The following MEX3C variants were observed in gnomAD, a reference collection of about 807,000 sequenced individuals.
MEX3C encodes the protein RNA-binding E3 ubiquitin-protein ligase MEX3C.
MEX3C carries 15 observed loss-of-function variants against 35.5 expected under a neutral mutation model. The ratio of observed to expected loss-of-function variants is 0.42; its 90% CI spans 0.28 to 0.65. The LOEUF is 0.65. MEX3C is among the 30% of genes least tolerant of loss of function. The pLI is 0.20. For missense variants in MEX3C, 711 were observed against 842.8 expected, an observed-to-expected ratio of 0.84 and a Z score of 1.94; for synonymous variants, 390 against 352.8, an observed-to-expected ratio of 1.11 and a Z score of -1.18.
chr18:51,196,964 C>G lies in MEX3C; in HGVS notation c.357G>C (p.Glu119Asp), dbSNP rs780574845. The part of the protein sequence containing the change: ...EEDEEEGEEA[E>D]LDGDLLEEEE... ...CCTCCTCCAGCAGGTCTCCGTCCAG[C>G]TCCGCTTCCTCCCCCTCCTCCTCGT... Residue 119 changes from glutamate (E) to aspartate (D), a missense_variant, in exon 1 of 2, where the codon GAG becomes GAC. Glu to Asp is a conservative substitution (Grantham distance 45). Around this residue, in one of 4 missense-constraint regions of MEX3C, gnomAD observed 354 missense variants for 311.6 expected, o/e 1.14. Coordinates refer to ENST00000406189, the MANE Select transcript of MEX3C (RefSeq NM_016626.5). 3 of 1,542,054 alleles carry G rather than the reference C, an allele frequency of 1.9e-6. No individual in the cohort carries two copies. Among genetic ancestry groups the G allele is most frequent in the Non-Finnish European group, 2.6e-6 (3 of 1,145,426 alleles).
In MEX3C at chr18:51,196,640, T is replaced by C. The variant is rs772479306; in HGVS notation, c.681A>G (p.Arg227=). 6.3e-7 allele frequency: 1 copy of C among 1,582,648 alleles called. No homozygotes were observed. The highest frequency in any genetic ancestry group is 1.7e-4 in the Middle Eastern group (1 of 5,974). Residue 227 remains arginine (R), a synonymous_variant, in exon 1 of 2, where the codon AGA becomes AGG. Transcript: ENST00000406189. ...CGCACTCGGTGGTGTTGACGCTCTTTCTCCGGAGCAGGGCCGCCTGCTCCC... is the reference window on the plus strand; with the variant it reads ...CGCACTCGGTGGTGTTGACGCTCTTCCTCCGGAGCAGGGCCGCCTGCTCCC... ...LNGEQAALLR[R]KSVNTTECVP... is the part of the protein sequence containing the mutation.
chr18:51,195,921 A>G (rs1599259051), intron 1 of MEX3C: 1 of 153,008 alleles, frequency 6.5e-6, no homozygotes, highest in African/African-American at 2.4e-5. Flanking sequence ...GTTTTAAAAG[A>G]CAGCCAGTGT....
At chr18:51,191,685 C>CTTA (rs1237932636) in intron 1 of MEX3C, among the ~76,000 whole-genome samples, 6 of 152,154 alleles carry the variant, frequency 3.9e-5, no homozygotes, top group Admixed American at 1.3e-4. Context: ...AAGTAATGTG[C>CTTA]TTAGCACTTA....
At position 51,196,900 on chromosome 18, in the gene MEX3C, G is replaced by T; in HGVS notation, c.421C>A (p.Leu141Met). 6.5e-7 allele frequency: 1 copy of T among 1,542,188 alleles called. No individual in the cohort carries two copies. Reference sequence around the variant, plus strand: ...GCCGCGGGCGGCGACAGCAGCAGCAGCGACGACCGGTCCTCCTCCTCTGCT... The same window carrying T: ...GCCGCGGGCGGCGACAGCAGCAGCATCGACGACCGGTCCTCCTCCTCTGCT... The part of the protein sequence containing the change: ...EEAEEEDRSS[L>M]LLLSPPAATA... The change falls in exon 1 of 2, where the codon CTG becomes ATG. Residue 141 changes from leucine (L) to methionine (M), a missense_variant. Transcript: ENST00000406189.
Position 51,174,983 on chromosome 18 carries a change from C to T in MEX3C, c.*1368G>A, listed in dbSNP as rs1047564372. The T allele has an allele frequency of 2.6e-5, 4 of 152,532 alleles. No individual in the cohort carries two copies. Among genetic ancestry groups the T allele is most frequent in the Non-Finnish European group, 5.9e-5 (4 of 68,028 alleles). 9.4% of individuals were successfully genotyped at this position (152,532 alleles called of 1,614,324 possible). On this transcript the variant is annotated 3_prime_UTR_variant, in exon 2 of 2. Transcript: ENST00000406189. ...TACTGACCATTTACTATCCTACAAG[C>T]AATTAGCATTACATCATAATATGCC...
At position 51,184,867 on chromosome 18, in the gene MEX3C, GAA is replaced by G. The variant is rs58366081; in HGVS notation, c.755-7293_755-7292del. ...GAGTGAGACCCTGACCCAAAGAAAA[GAA>G]AAAAAAAAATTAAGAAGCAGTTTTC... On this transcript the variant is annotated intron_variant, in intron 1 of 1. Transcript: ENST00000406189. 1.5e-3 allele frequency among the ~76,000 whole-genome samples: 213 copies of G among 146,572 alleles called. 1 individual carries two copies. The highest frequency in any genetic ancestry group is 4.7e-3 in the African/African-American group (185 of 39,438).
intron 1 of MEX3C, among the ~76,000 whole-genome samples, chr18:51,183,806 T>C (rs1912477917): frequency 6.6e-6 from 1 of 152,086 alleles, no homozygotes; most frequent in South Asian, 2.1e-4. Flanking sequence ...AGCAGGACGC[T>C]GTTTCTACAA....
At chr18:51,180,098 G>C (rs1195101786) in intron 1 of MEX3C, among the ~76,000 whole-genome samples, 1 of 149,970 alleles carries the variant, frequency 6.7e-6, no homozygotes, top group Admixed American at 6.6e-5. Context: ...ATAAATAAAA[G>C]AAAAAAAAGG....
chr18:51,197,346 C>G lies in MEX3C; in HGVS notation c.-26G>C, dbSNP rs1393149349. ...CGCGGCGGCGCGCTGTCAATGGCGG[C>G]GGCGGCGGCCGGGTCAGGCGCGGCA... On this transcript the variant is annotated 5_prime_UTR_variant, in exon 1 of 2. Coordinates refer to ENST00000406189, the MANE Select transcript of MEX3C (RefSeq NM_016626.5). The G allele has an allele frequency of 1.3e-4, 40 of 309,708 alleles. No homozygotes were observed. Among genetic ancestry groups the G allele is most frequent in the Admixed American group, 4.6e-4 (7 of 15,164 alleles). 19.2% of individuals were successfully genotyped at this position (309,708 alleles called of 1,614,324 possible).
chr18:51,179,592 C>T (rs1047934771), intron 1 of MEX3C, among the ~76,000 whole-genome samples: 10 of 136,304 alleles, frequency 7.3e-5, no homozygotes, highest in African/African-American at 2.1e-4. Context: ...AAAACAAAAT[C>T]GGAGGCTTTT....
At chr18:51,192,812 GTTAAACGGCAC>G (rs1235413401) in intron 1 of MEX3C, 3 of 152,172 alleles carry the variant, frequency 2.0e-5, no homozygotes, top group Admixed American at 6.5e-5. Context: ...ACCTAGCAGG[GTTAAACGGCAC>G]TGGTGAAGCA....
chr18:51,176,686 G>C lies in MEX3C; in HGVS notation c.1645C>G (p.Pro549Ala), dbSNP rs769083626. ...GCAAGTGGATGTTCTATGCTCTCAGGAAATGTAGGAGACAGACGAGGAGTA... is the reference window on the plus strand; with the variant it reads ...GCAAGTGGATGTTCTATGCTCTCAGCAAATGTAGGAGACAGACGAGGAGTA... ...PSTPRLSPTF[P>A]ESIEHPLARR... is the part of the protein sequence containing the mutation. Residue 549 changes from proline to alanine, a missense_variant, in exon 2 of 2, where the codon CCT (proline) becomes GCT (alanine). Coordinates refer to ENST00000406189, the MANE Select transcript of MEX3C (RefSeq NM_016626.5). 2 of 1,614,026 alleles carry C rather than the reference G, an allele frequency of 1.2e-6. No individual in the cohort carries two copies. Among genetic ancestry groups the C allele is most frequent in the Non-Finnish European group, 1.7e-6 (2 of 1,179,890 alleles).
chr18:51,180,129 A>T (rs1041314017), intron 1 of MEX3C, among the ~76,000 whole-genome samples: 2 of 152,200 alleles, frequency 1.3e-5, no homozygotes, highest in African/African-American at 4.8e-5. Flanking sequence ...TAAAAGAGAA[A>T]AAAGAAAACT....
chr18:51,194,396 A>G (rs1912728495), intron 1 of MEX3C: 2 of 152,348 alleles, frequency 1.3e-5, no homozygotes, highest in South Asian at 4.1e-4. Context: ...ATTAAATTCA[A>G]CATTTCCTTA....
Position 51,196,206 on chromosome 18 carries a change from T to A in MEX3C, c.754+361A>T, listed in dbSNP as rs1568236226. 3 of 333,372 alleles carry A rather than the reference T, an allele frequency of 9.0e-6. No individual in the cohort carries two copies. In the East Asian group the frequency reaches 2.3e-4, roughly 25 times the overall value. 20.7% of individuals were successfully genotyped at this position (333,372 alleles called of 1,614,324 possible). A position where few individuals can be genotyped will look rare whatever the true frequency, so the allele number is the denominator to read the frequency against. ...CGGCGCAAACTTGCAATCTCGAAGC[T>A]TTCCGTACCCAACAGCGAACCCACA... On this transcript the variant is annotated intron_variant, in intron 1 of 1. Coordinates refer to ENST00000406189, the MANE Select transcript of MEX3C (RefSeq NM_016626.5).
In MEX3C at chr18:51,197,161, C is replaced by T. The variant is rs1376198471; in HGVS notation, c.160G>A (p.Ala54Thr). Reference protein sequence around the residue: ...DGLLLRERLAALGLDDPSPAE... With the variant: ...DGLLLRERLATLGLDDPSPAE... ...GGGCTGGGGTCGTCGAGGCCTAGCG[C>T]GGCCAAGCGCTCCCTCAGCAGGAGC... is the stretch of plus-strand genomic sequence containing the variant. The change falls in exon 1 of 2, where the codon GCG becomes ACG. Residue 54 changes from alanine (A) to threonine (T), a missense_variant. Transcript: ENST00000406189. The T allele has an allele frequency of 1.2e-5, 13 of 1,050,330 alleles. No individual in the cohort carries two copies. Among genetic ancestry groups the T allele is most frequent in the Middle Eastern group, 4.3e-4 (1 of 2,302 alleles). The allele number at this position is 1,050,330 out of a possible 1,614,324, so 65.1% of individuals were successfully genotyped here.
intron 1 of MEX3C, among the ~76,000 whole-genome samples, chr18:51,186,767 T>G (rs988484431): frequency 1.4e-5 from 2 of 141,294 alleles, no homozygotes; most frequent in Admixed American, 1.4e-4. Flanking sequence ...ACCACTGTTA[T>G]GAACATCAAG....
At chr18:51,189,867 C>G (rs1912617504) in intron 1 of MEX3C, among the ~76,000 whole-genome samples, 1 of 152,030 alleles carries the variant, frequency 6.6e-6, no homozygotes, top group African/African-American at 2.4e-5. Context: ...AATTTTAAGA[C>G]ATATTATAAA....
intron 1 of MEX3C, chr18:51,196,329 G>A (rs1334186210): frequency 4.7e-5 from 42 of 896,356 alleles, no homozygotes; most frequent in Non-Finnish European, 6.3e-5. Flanking sequence ...GAACACCACC[G>A]GACTGGGTCG....
Sources: allele counts gnomAD v4.1 joint callset (sites outside exome capture counted in the v4.1 genomes callset), GRCh38; gene constraint gnomAD v4.1.1; regional missense constraint gnomAD v4.1.1; transcripts MANE v1.5; gene names NCBI Gene and HGNC (gene_info 2026-07-23, HGNC 2026-07-21).